The following ASIC2 variants were observed in gnomAD, a reference collection of about 807,000 sequenced individuals.
The protein encoded by ASIC2 is acid-sensing ion channel 2.
In ASIC2, 25 loss-of-function variants were observed where a neutral mutation model predicts 57.3. The ratio of observed to expected loss-of-function variants is 0.44; its 90% CI spans 0.32 to 0.61. ASIC2 has a LOEUF of 0.61. Among genes scored for constraint, ASIC2 ranks in the 20% least tolerant of loss-of-function variants. The probability of loss-of-function intolerance (pLI) is 0.06; values close to 1 mark genes in which losing one functional copy is unlikely to be tolerated. For synonymous variants in ASIC2, 319 were observed against 307.5 expected, an observed-to-expected ratio of 1.04 and a Z score of -0.39; for missense variants, 641 against 738.1, an observed-to-expected ratio of 0.87 and a Z score of 1.52.
At chr17:33,237,837 T>A (rs1908353735) in intron 1 of ASIC2, among the ~76,000 whole-genome samples, 1 of 152,210 alleles carries the variant, frequency 6.6e-6, no homozygotes, top group Admixed American at 6.5e-5. Context: ...CTGGGGTAAG[T>A]CCACGCCTTC....
At chr17:33,802,466 C>T (rs1041631836) in intron 1 of ASIC2, among the ~76,000 whole-genome samples, 1 of 152,180 alleles carries the variant, frequency 6.6e-6, no homozygotes, top group Non-Finnish European at 1.5e-5. Flanking sequence ...AATTTGAGAA[C>T]ACAGAAAAGG....
intron 1 of ASIC2, among the ~76,000 whole-genome samples, chr17:34,135,805 C>T (rs1302001435): frequency 6.6e-6 from 1 of 151,986 alleles, no homozygotes; most frequent in East Asian, 1.9e-4. Context: ...AATAGTAAAA[C>T]AATCAAACAG....
chr17:33,803,991 A>T (rs747205857), intron 1 of ASIC2, among the ~76,000 whole-genome samples: 6 of 152,110 alleles, frequency 3.9e-5, no homozygotes, highest in Non-Finnish European at 8.8e-5. Flanking sequence ...TGTGCAAGTG[A>T]TTTTTGTTAG....
intron 1 of ASIC2, among the ~76,000 whole-genome samples, chr17:33,707,406 T>A (rs1908894704): frequency 6.6e-6 from 1 of 152,176 alleles, no homozygotes; most frequent in South Asian, 2.1e-4. Context: ...ATCTTTTCCT[T>A]ACTCTTTTCC....
At chr17:34,095,602 A>AAATTTTATATATATATATATAT (rs1910489213) in intron 1 of ASIC2, among the ~76,000 whole-genome samples, 1 of 93,826 alleles carries the variant, frequency 1.1e-5, no homozygotes, top group Non-Finnish European at 2.4e-5. Context: ...AGAAGCAGGC[A>AAATTTTATATATATATATATAT]AATTTTATAT....
chr17:33,918,764 A>G (rs1915644619), intron 1 of ASIC2, among the ~76,000 whole-genome samples: 1 of 152,254 alleles, frequency 6.6e-6, no homozygotes, highest in African/African-American at 2.4e-5. Context: ...CATAGCATTT[A>G]CTTTACAAAA....
At chr17:33,722,728 ACTGCAGCCGGGG>A (rs971955825) in intron 1 of ASIC2, among the ~76,000 whole-genome samples, 4 of 152,176 alleles carry the variant, frequency 2.6e-5, no homozygotes, top group African/African-American at 9.7e-5. Context: ...GTGCCATTGC[ACTGCAGCCGGGG>A]TAACAGGGTG....
At chr17:33,794,531 G>A (rs1911860868) in intron 1 of ASIC2, 1 of 152,188 alleles carries the variant, frequency 6.6e-6, no homozygotes, top group South Asian at 2.1e-4. Context: ...GTAGTGTGGG[G>A]GTTGTAGAGA....
chr17:33,908,204 G>T (rs1191683184), intron 1 of ASIC2, among the ~76,000 whole-genome samples: 1 of 152,196 alleles, frequency 6.6e-6, no homozygotes, highest in Non-Finnish European at 1.5e-5. Flanking sequence ...CGTTGAGTGG[G>T]CAGTAGGCCA....
intron 1 of ASIC2, among the ~76,000 whole-genome samples, chr17:33,246,539 C>G (rs1219424672): frequency 6.6e-6 from 1 of 152,200 alleles, no homozygotes; most frequent in Non-Finnish European, 1.5e-5. Flanking sequence ...CGGGGAACTT[C>G]TGGGCAAATA....
intron 1 of ASIC2, among the ~76,000 whole-genome samples, chr17:33,835,329 T>C (rs533301470): frequency 1.6e-4 from 25 of 152,368 alleles, no homozygotes; most frequent in African/African-American, 5.5e-4. Context: ...TACACATGAA[T>C]TGCTCATTCC....
intron 1 of ASIC2, among the ~76,000 whole-genome samples, chr17:33,737,226 A>G (rs534756841): frequency 1.8e-4 from 28 of 152,384 alleles, no homozygotes; most frequent in African/African-American, 6.0e-4. Flanking sequence ...AGGATTGCTG[A>G]TCAAAAAATA....
intron 1 of ASIC2, among the ~76,000 whole-genome samples, chr17:34,013,462 T>G (rs550913011): frequency 1.3e-5 from 2 of 152,274 alleles, no homozygotes; most frequent in South Asian, 4.2e-4. Context: ...ATAAGACCCT[T>G]GAGGAGAGAG....
chr17:33,079,949 G>A (rs904622452), intron 3 of ASIC2, among the ~76,000 whole-genome samples: 1 of 152,142 alleles, frequency 6.6e-6, no homozygotes, highest in Non-Finnish European at 1.5e-5. Context: ...TGGGGTGCAG[G>A]TGTGGGGACA....
At chr17:33,664,264 A>C (rs1907399131) in intron 1 of ASIC2, among the ~76,000 whole-genome samples, 1 of 152,212 alleles carries the variant, frequency 6.6e-6, no homozygotes, top group Non-Finnish European at 1.5e-5. Context: ...TTTGGATCTC[A>C]GCTCAATTGG....
At chr17:33,124,005 A>G (rs2092313364) in intron 1 of ASIC2, among the ~76,000 whole-genome samples, 1 of 152,234 alleles carries the variant, frequency 6.6e-6, no homozygotes, top group African/African-American at 2.4e-5. Flanking sequence ...AGAAAAGCAC[A>G]TGTTTCCATT....
At chr17:33,489,739 T>G (rs921994071) in intron 1 of ASIC2, among the ~76,000 whole-genome samples, 1 of 152,214 alleles carries the variant, frequency 6.6e-6, no homozygotes, top group Non-Finnish European at 1.5e-5. Context: ...TCTGACAAAG[T>G]ACTGTGAAGG....
chr17:34,028,061 A>G (rs762809694), intron 1 of ASIC2, among the ~76,000 whole-genome samples: 5 of 152,252 alleles, frequency 3.3e-5, no homozygotes, highest in Non-Finnish European at 7.3e-5. Context: ...GAGTTTTCAC[A>G]GCTTGAAAAG....
At chr17:33,679,098 T>C (rs1907919999) in intron 1 of ASIC2, among the ~76,000 whole-genome samples, 1 of 152,190 alleles carries the variant, frequency 6.6e-6, no homozygotes, top group Admixed American at 6.5e-5. Flanking sequence ...TGTTGGATAG[T>C]AGCTTTGCAA....
Sources: gnomAD v4.1 joint callset for allele counts (sites outside exome capture counted in the v4.1 genomes callset) on GRCh38, gnomAD v4.1.1 for gene constraint, MANE v1.5 for transcripts, NCBI Gene and HGNC (gene_info 2026-07-23, HGNC 2026-07-21) for gene names.